Variants in EPB41L4A observed in about 807,000 individuals in gnomAD.
The protein encoded by EPB41L4A is band 4.1-like protein 4A.
In EPB41L4A, 100 loss-of-function variants were observed where a neutral mutation model predicts 108.6. That is an observed-to-expected ratio of 0.92 (90% confidence interval 0.78 to 1.09). The LOEUF is 1.09. Ranked by LOEUF, EPB41L4A falls within the 50% of genes least tolerant of loss-of-function variation. The probability of loss-of-function intolerance (pLI) is 0.00; values close to 1 mark genes in which losing one functional copy is unlikely to be tolerated. For synonymous variants in EPB41L4A, 319 were observed against 289.0 expected (o/e 1.10, Z -1.05); for missense variants, 1,030 against 842.7 (o/e 1.22, Z -2.75).
Position 112,304,291 on chromosome 5 carries a change from T to G in EPB41L4A, c.204+3095A>C, listed in dbSNP as rs1290384207. On this transcript the variant is annotated intron_variant, in intron 2 of 22. Coordinates refer to ENST00000261486, the MANE Select transcript of EPB41L4A (RefSeq NM_022140.5). The stretch of plus-strand genomic sequence containing the variant: ...GCCCTAATTATATACAACTTCTGCC[T>G]TTCAAGGAGTAATCTGTAAAGGAGC... 2.0e-5 allele frequency among the ~76,000 whole-genome samples: 3 copies of G among 152,274 alleles called. No individual in the cohort carries two copies. The East Asian group carries it at 5.8e-4, about 29-fold the overall frequency.
intron 7 of EPB41L4A, among the ~76,000 whole-genome samples, chr5:112,261,793 T>G (rs1390328830): frequency 6.6e-6 from 1 of 152,168 alleles, no homozygotes; most frequent in African/African-American, 2.4e-5. Flanking sequence ...ATCCTTTACC[T>G]GGCAAGTGAT....
chr5:112,257,660 T>G (rs955702199), intron 9 of EPB41L4A, among the ~76,000 whole-genome samples: 1 of 152,168 alleles, frequency 6.6e-6, no homozygotes, highest in African/African-American at 2.4e-5. Context: ...AATAATAACA[T>G]GAAAGTCATT....
chr5:112,336,499 C>T (rs1227232147), intron 1 of EPB41L4A, among the ~76,000 whole-genome samples: 1 of 152,166 alleles, frequency 6.6e-6, no homozygotes, highest in Non-Finnish European at 1.5e-5. Context: ...TGATTCTTTA[C>T]CCTGTACACA....
At chr5:112,290,327 T>C (rs1753564674) in intron 2 of EPB41L4A, among the ~76,000 whole-genome samples, 2 of 152,312 alleles carry the variant, frequency 1.3e-5, no homozygotes. Context: ...CAATCATTTT[T>C]TAAACATGCC....
intron 4 of EPB41L4A, among the ~76,000 whole-genome samples, chr5:112,271,016 C>A (rs1580577407): frequency 6.6e-6 from 1 of 152,256 alleles, no homozygotes; most frequent in Middle Eastern, 3.4e-3. Context: ...GGGCTGTCAG[C>A]AAGACAACTG....
At chr5:112,307,200 C>A in intron 2 of EPB41L4A, among the ~76,000 whole-genome samples, 186 bp downstream of exon 2, 2 of 152,152 alleles carry the variant, frequency 1.3e-5, no homozygotes, top group East Asian at 3.9e-4. Context: ...GTGAATCCAG[C>A]AACTCTACAG....
intron 2 of EPB41L4A, among the ~76,000 whole-genome samples, chr5:112,299,540 C>G (rs924866824): frequency 6.6e-6 from 1 of 152,120 alleles, no homozygotes; most frequent in African/African-American, 2.4e-5. Flanking sequence ...AATGGCCAGG[C>G]GTGGTGGCTC....
intron 1 of EPB41L4A, among the ~76,000 whole-genome samples, chr5:112,391,759 C>T (rs963604187): frequency 1.3e-5 from 2 of 152,000 alleles, no homozygotes; most frequent in Non-Finnish European, 2.9e-5. Flanking sequence ...AGAAGAGCAA[C>T]CCCAAGACAC....
intron 17 of EPB41L4A, among the ~76,000 whole-genome samples, chr5:112,194,080 A>G (rs565173110): frequency 6.6e-6 from 1 of 152,344 alleles, no homozygotes; most frequent in Non-Finnish European, 1.5e-5. Flanking sequence ...TTAAAAATCT[A>G]TCTTACATAT....
At chr5:112,293,286 G>T (rs1234726554) in intron 2 of EPB41L4A, among the ~76,000 whole-genome samples, 1 of 150,942 alleles carries the variant, frequency 6.6e-6, no homozygotes, top group African/African-American at 2.5e-5. Flanking sequence ...GTGTCATGAG[G>T]GTCTGCTGCA....
At chr5:112,272,742 C>G (rs2150482571) in intron 4 of EPB41L4A, among the ~76,000 whole-genome samples, 1 of 140,024 alleles carries the variant, frequency 7.1e-6, no homozygotes, top group South Asian at 2.5e-4. Context: ...GATTGCACCA[C>G]TGCCCTCCAG....
At chr5:112,160,264 A>C (rs1282549054), downstream of EPB41L4A, among the ~76,000 whole-genome samples, 1 of 152,090 alleles carries the variant, frequency 6.6e-6, no homozygotes, top group Non-Finnish European at 1.5e-5. Flanking sequence ...CTCATGGCTC[A>C]CACTGTTTCC....
chr5:112,246,769 T>C (rs1750261744), intron 9 of EPB41L4A, among the ~76,000 whole-genome samples: 1 of 152,158 alleles, frequency 6.6e-6, no homozygotes, highest in Admixed American at 6.5e-5. Context: ...CTCTGCCCCT[T>C]TGTGTCATCC....
At chr5:112,222,232 G>GA (rs1402477304) in intron 12 of EPB41L4A, among the ~76,000 whole-genome samples, 2 of 152,148 alleles carry the variant, frequency 1.3e-5, no homozygotes, top group East Asian at 1.9e-4. Flanking sequence ...CACACATGGG[G>GA]AAAAAACAGA....
At chr5:112,394,605 G>A (rs1451454420) in intron 1 of EPB41L4A, among the ~76,000 whole-genome samples, 1 of 152,138 alleles carries the variant, frequency 6.6e-6, no homozygotes, top group Non-Finnish European at 1.5e-5. Context: ...ACAAACAAAT[G>A]GAAGAACATT....
At chr5:112,223,394 G>C (rs570412758) in intron 12 of EPB41L4A, among the ~76,000 whole-genome samples, 140 of 152,134 alleles carry the variant, frequency 9.2e-4, no homozygotes, top group African/African-American at 3.3e-3. Flanking sequence ...ATCAATCCCA[G>C]AGTTTTCAAA....
intron 1 of EPB41L4A, among the ~76,000 whole-genome samples, chr5:112,402,847 C>CA (rs2112759203): frequency 6.6e-6 from 1 of 152,198 alleles, no homozygotes; most frequent in Non-Finnish European, 1.5e-5. Context: ...AATGTTGTTT[C>CA]AATACATAAA....
At chr5:112,253,227 G>C (rs536195640) in intron 9 of EPB41L4A, among the ~76,000 whole-genome samples, 5 of 152,258 alleles carry the variant, frequency 3.3e-5, no homozygotes, top group South Asian at 2.1e-4. Context: ...AGCCAACGAG[G>C]GACAGGTGGT....
intron 19 of EPB41L4A, among the ~76,000 whole-genome samples, chr5:112,170,681 T>A (rs1422470938): frequency 6.6e-6 from 1 of 152,198 alleles, no homozygotes; most frequent in Non-Finnish European, 1.5e-5. Context: ...CCTTGGTATT[T>A]ATTTGTAAAC....
Sources: allele counts gnomAD v4.1 joint callset (sites outside exome capture counted in the v4.1 genomes callset), GRCh38; gene constraint gnomAD v4.1.1; transcripts MANE v1.5; gene names NCBI Gene and HGNC (gene_info 2026-07-23, HGNC 2026-07-21).